Variants in ALG3 observed in about 807,000 individuals in gnomAD.
ALG3 encodes the protein dol-P-Man:Man(5)GlcNAc(2)-PP-Dol alpha-1,3-mannosyltransferase.
ALG3 carries 39 observed loss-of-function variants against 50.5 expected under a neutral mutation model. The observed-to-expected ratio is 0.77, with a 90% CI of 0.60 to 1.01. The LOEUF (loss-of-function observed/expected upper bound fraction) is 1.01, where lower values mean the gene tolerates loss of function less well. Among genes scored for constraint, ALG3 ranks in the 50% least tolerant of loss-of-function variants. The pLI is 0.00. For synonymous variants in ALG3, 252 were observed against 237.2 expected (o/e 1.06, Z -0.58); for missense variants, 520 against 554.8 (o/e 0.94, Z 0.63).
Position 184,248,855 on chromosome 3 carries a change from C to G in ALG3, c.86G>C (p.Trp29Ser). 1 of 1,607,722 alleles carries G rather than the reference C, an allele frequency of 6.2e-7. No individual in the cohort carries two copies. Among genetic ancestry groups the G allele is most frequent in the Non-Finnish European group, 8.5e-7 (1 of 1,177,470 alleles). The change falls in exon 1 of 9, where the codon TGG (tryptophan) becomes TCG (serine). Residue 29 changes from tryptophan (W) to serine (S), a missense_variant. By Grantham distance (177) the Trp-to-Ser change is radical (BLOSUM62 -3). This residue lies in a region of ALG3 where 290 missense variants were observed against 265.9 expected (regional missense o/e 1.09). Transcript: ENST00000397676. ...GLCKQWLQRAWQERRLLLREP... is the reference protein window; with the variant it reads ...GLCKQWLQRASQERRLLLREP... ...CCGCAGCAGCAGGCGCCGCTCTTGC[C>G]AGGCGCGCTGCAGCCATTGCTTGCA...
Position 184,248,818 on chromosome 3 carries a change from G to A in ALG3, c.123C>T (p.Tyr41=), listed in dbSNP as rs773572317. 2 of 1,609,040 alleles carry A rather than the reference G, an allele frequency of 1.2e-6. No homozygotes were observed. Among genetic ancestry groups the A allele is most frequent in the Non-Finnish European group, 1.7e-6 (2 of 1,177,760 alleles). Residue 41 remains tyrosine, a synonymous_variant, in exon 1 of 9, where the codon TAC becomes TAT. Coordinates refer to ENST00000397676, the MANE Select transcript of ALG3 (RefSeq NM_005787.6). ...AGAGGCAGGCGGCCACCAGCAGCGT[G>A]TAGCGCGGCTCCCGCAGCAGCAGGC... ...ERRLLLREPR[Y]TLLVAACLCL...
upstream of ALG3, chr3:184,249,089 T>C: frequency 6.8e-7 from 1 of 1,472,678 alleles, no homozygotes; most frequent in East Asian, 2.5e-5. Flanking sequence ...ATGTAATTTT[T>C]CTGCATTTGT....
upstream of ALG3, chr3:184,249,025 T>C: frequency 6.5e-7 from 1 of 1,531,258 alleles, no homozygotes; most frequent in South Asian, 1.2e-5. Flanking sequence ...GTGCCTGGCG[T>C]CCCACCAGGC....
intron 1 of ALG3, among the ~76,000 whole-genome samples, chr3:184,247,698 G>A (rs922256499): frequency 6.6e-6 from 1 of 152,068 alleles, no homozygotes; most frequent in Non-Finnish European, 1.5e-5. Flanking sequence ...TCCAAGGGTG[G>A]CTCTATGAAG....
At chr3:184,244,824 G>A (rs988537263) in intron 4 of ALG3, 103 bp from the exon 5 acceptor site, 20 of 1,454,530 alleles carry the variant, frequency 1.4e-5, no homozygotes, top group African/African-American at 4.3e-5. Context: ...CCTCCCCCCC[G>A]CCGCCACGCC....
In ALG3 at chr3:184,244,603, G is replaced by A. The variant is rs1244611458; in HGVS notation, c.724C>T (p.Gln242Ter). The change falls in exon 5 of 9, where the codon CAG becomes TAG. Residue 242 changes from glutamine to a stop codon, truncating the protein, a stop_gained and splice_region_variant. Coordinates refer to ENST00000397676, the MANE Select transcript of ALG3 (RefSeq NM_005787.6). LOFTEE classifies it high-confidence loss of function. ...LPKLGICAGLQVVLGLPFLLE... is the reference protein window; with the variant it reads ...LPKLGICAGL ...GAGGAAGGGTGAGATGGGGGTACCTGAAGGCCAGCACAGATTCCCAGCTTG... is the reference window on the plus strand; with the variant it reads ...GAGGAAGGGTGAGATGGGGGTACCTAAAGGCCAGCACAGATTCCCAGCTTG... The A allele has an allele frequency of 8.1e-6, 13 of 1,608,794 alleles. No individual in the cohort carries two copies. The Admixed American group carries it at 1.9e-4, about 23-fold the overall frequency.
At chr3:184,248,721 T>G in intron 1 of ALG3, 24 bp downstream of exon 1, 11 of 576,592 alleles carry the variant, frequency 1.9e-5, no homozygotes, top group Non-Finnish European at 3.2e-5. Flanking sequence ...CTCCCTCCCC[T>G]CCCCTCCCCC....
chr3:184,246,482 G>C (rs1719156069), intron 1 of ALG3, among the ~76,000 whole-genome samples: 1 of 152,162 alleles, frequency 6.6e-6, no homozygotes, highest in Non-Finnish European at 1.5e-5. Flanking sequence ...AATTGAGCTA[G>C]GATGGTGGAG....
At position 184,248,722 on chromosome 3, in the gene ALG3, C is replaced by T. The variant is rs1709663; in HGVS notation, c.196+23G>A. The T allele has an allele frequency of 5.5e-6, 6 of 1,081,754 alleles. 1 individual carries two copies. The highest frequency in any genetic ancestry group is 1.4e-5 in the South Asian group (1 of 73,130). The allele number at this position is 1,081,754 out of a possible 1,614,324, so 67.0% of individuals were successfully genotyped here. On this transcript the variant is annotated intron_variant, in intron 1 of 8. Transcript: ENST00000397676. ...GGGTTCAGGTCTCCCTCCCTCCCCT[C>T]CCCTCCCCCTCGGCGCACTCACATG...
intron 1 of ALG3, among the ~76,000 whole-genome samples, chr3:184,247,859 T>C (rs1348335627): frequency 6.6e-6 from 1 of 151,928 alleles, no homozygotes. Context: ...TCTTTTTTTT[T>C]TTTTGAGACG....
At chr3:184,243,752 T>C in intron 6 of ALG3, 39 bp downstream of exon 6, 1 of 1,597,868 alleles carries the variant, frequency 6.3e-7, no homozygotes, top group Non-Finnish European at 8.5e-7. Context: ...CTTCACTCCT[T>C]CCCCCAACTC....
intron 1 of ALG3, among the ~76,000 whole-genome samples, chr3:184,248,180 A>G (rs879449595): frequency 5.3e-5 from 8 of 152,108 alleles, no homozygotes; most frequent in Non-Finnish European, 1.2e-4. Context: ...TCACCACTGT[A>G]CCTCTCTCTG....
chr3:184,247,880 C>G lies in ALG3; in HGVS notation c.196+865G>C, dbSNP rs148695851. Among the ~76,000 whole-genome samples, 296 of 150,754 alleles carry G rather than the reference C, an allele frequency of 2.0e-3. 8 individuals carry two copies. The East Asian group carries it at 0.052, about 26-fold the overall frequency. ...TTTTTTTTTGAGACGGAGTCTTGCT[C>G]TGTCGCCCAGGCTGGAGTGCAGTGG... On this transcript the variant is annotated intron_variant, in intron 1 of 8. Transcript: ENST00000397676.
chr3:184,243,433 G>A (rs1338089901), intron 7 of ALG3, 121 bp downstream of exon 7: 1 of 823,538 alleles, frequency 1.2e-6, no homozygotes, highest in Non-Finnish European at 2.0e-6. Context: ...TGCAGAATAG[G>A]ACTTCTATGA....
intron 8 of ALG3, 38 bp downstream of exon 8, chr3:184,242,775 T>A: frequency 6.2e-7 from 1 of 1,611,424 alleles, no homozygotes; most frequent in Non-Finnish European, 8.5e-7. Flanking sequence ...AGGAACTCCC[T>A]ATCCCTTCCC....
upstream of ALG3, chr3:184,249,315 T>A: frequency 6.3e-7 from 1 of 1,594,900 alleles, no homozygotes; most frequent in Non-Finnish European, 8.6e-7. Flanking sequence ...GCAAAGCCCC[T>A]GTTCGCGCCC....
At position 184,248,382 on chromosome 3, in the gene ALG3, G is replaced by T. The variant is rs1211943775; in HGVS notation, c.196+363C>A. ...TGAGAAGGGACGTTCAAAGATCACA[G>T]AACTGAACACATGGAAAAAGCTGAG... On this transcript the variant is annotated intron_variant, in intron 1 of 8. Coordinates refer to ENST00000397676, the MANE Select transcript of ALG3 (RefSeq NM_005787.6). 3.9e-5 allele frequency among the ~76,000 whole-genome samples: 6 copies of T among 152,194 alleles called. No individual in the cohort carries two copies. The South Asian group carries it at 8.3e-4, about 21-fold the overall frequency.
In ALG3 at chr3:184,248,808, CCAGCAGCGTGTAGCGCGGCTCCCG is replaced by C. The variant is rs1560166956; in HGVS notation, c.109_132del (p.Arg37_Leu44del). ...TCCGCCAGGCAGAGGCAGGCGGCCA[CCAGCAGCGTGTAGCGCGGCTCCCG>C]CAGCAGCAGGCGCCGCTCTTGCCAG... On this transcript the variant is annotated inframe_deletion, in exon 1 of 9. Coordinates refer to ENST00000397676, the MANE Select transcript of ALG3 (RefSeq NM_005787.6). 1 of 1,607,316 alleles carries C rather than the reference CCAGCAGCGTGTAGCGCGGCTCCCG, an allele frequency of 6.2e-7. No individual in the cohort carries two copies. Among genetic ancestry groups the C allele is most frequent in the Admixed American group, 1.7e-5 (1 of 59,802 alleles).
rs112416454 is a variant in ALG3 at position 184,244,993 on chromosome 3, G to A, written c.605+205C>T. On this transcript the variant is annotated intron_variant, in intron 4 of 8. Transcript: ENST00000397676. ...CTAATTCCAACAAGGAATGCTGTCTGGGAGGAAGACAGGATGGAAAGAGGG... is the reference window on the plus strand; with the variant it reads ...CTAATTCCAACAAGGAATGCTGTCTAGGAGGAAGACAGGATGGAAAGAGGG... 1.1e-4 allele frequency: 88 copies of A among 802,278 alleles called. No homozygotes were observed. In the African/African-American group the frequency reaches 1.4e-3, roughly 13 times the overall value. 49.7% of individuals were successfully genotyped at this position (802,278 alleles called of 1,614,324 possible).
Sources: allele counts gnomAD v4.1 joint callset (sites outside exome capture counted in the v4.1 genomes callset), GRCh38; gene constraint gnomAD v4.1.1; regional missense constraint gnomAD v4.1.1; transcripts MANE v1.5; gene names NCBI Gene and HGNC (gene_info 2026-07-23, HGNC 2026-07-21).